NPDC1: variants seen among roughly 807,000 people sequenced by gnomAD.
NPDC1 encodes the protein neural proliferation, differentiation and control 1.
In NPDC1, 18 loss-of-function variants were observed where a neutral mutation model predicts 32.5. The ratio of observed to expected loss-of-function variants is 0.55; its 90% CI spans 0.38 to 0.82. NPDC1 has a LOEUF of 0.82. Ranked by LOEUF, NPDC1 falls within the 40% of genes least tolerant of loss-of-function variation. NPDC1 has a pLI of 0.00. For synonymous variants in NPDC1, 210 were observed against 184.7 expected, an observed-to-expected ratio of 1.14 and a Z score of -1.11; for missense variants, 468 against 406.6, an observed-to-expected ratio of 1.15 and a Z score of -1.30.
At chr9:137,042,775 C>T (rs566549551) in intron 2 of NPDC1, 152 bp downstream of exon 2, 5 of 901,928 alleles carry the variant, frequency 5.5e-6, no homozygotes, top group Non-Finnish European at 8.4e-6. Context: ...CCAGGCTGGT[C>T]TTGAACTCCT....
In NPDC1 at chr9:137,040,601, G is replaced by A. The variant is rs1373123912; in HGVS notation, c.624-3C>T. The A allele has an allele frequency of 6.4e-7, 1 of 1,567,238 alleles. No homozygotes were observed. On this transcript the variant is annotated splice_region_variant and splice_polypyrimidine_tract_variant and intron_variant, in intron 5 of 8. Transcript: ENST00000371601. Reference sequence around the variant, plus strand: ...TCAGGCGGATCTCACGCTGCAGCCTGTGGGGAGTGGGGCCTGAGACCTCTG... The same window carrying A: ...TCAGGCGGATCTCACGCTGCAGCCTATGGGGAGTGGGGCCTGAGACCTCTG...
chr9:137,046,138 A>G lies in NPDC1; in HGVS notation c.-149T>C. ...GCCAAGGAGGAGGAGGAGGAAGAGG[A>G]AAGGCACGGGCGGCGGCGCTGACGC... is the stretch of plus-strand genomic sequence containing the variant. On this transcript the variant is annotated 5_prime_UTR_variant, in exon 1 of 9. Coordinates refer to ENST00000371601, the MANE Select transcript of NPDC1 (RefSeq NM_015392.4). The G allele has an allele frequency of 1.8e-6, 2 of 1,095,696 alleles. No homozygotes were observed. The highest frequency in any genetic ancestry group is 2.2e-6 in the Non-Finnish European group (2 of 900,348). 67.9% of individuals were successfully genotyped at this position (1,095,696 alleles called of 1,614,324 possible). A position where few individuals can be genotyped will look rare whatever the true frequency, so the allele number is the denominator to read the frequency against.
Position 137,039,479 on chromosome 9 carries a change from G to A in NPDC1, c.*293C>T, listed in dbSNP as rs1044209395. ...AGGCAGAAGCCGCAGGTCTGAAATG[G>A]ACTTTAATTGGCTTTTGTCTCTAGA... On this transcript the variant is annotated 3_prime_UTR_variant, in exon 9 of 9. Transcript: ENST00000371601. The A allele has an allele frequency of 5.7e-6, 2 of 347,914 alleles. No individual in the cohort carries two copies. Among genetic ancestry groups the A allele is most frequent in the Non-Finnish European group, 1.0e-5 (2 of 191,450 alleles). The allele number at this position is 347,914 out of a possible 1,614,324, so 21.6% of individuals were successfully genotyped here.
chr9:137,041,065 G>T lies in NPDC1; in HGVS notation c.382C>A (p.Pro128Thr). 2.6e-6 allele frequency: 4 copies of T among 1,521,342 alleles called. No homozygotes were observed. The highest frequency in any genetic ancestry group is 3.5e-6 in the Non-Finnish European group (4 of 1,136,368). The allele number at this position is 1,521,342 out of a possible 1,614,324, so 94.2% of individuals were successfully genotyped here. A position where few individuals can be genotyped will look rare whatever the true frequency, so the allele number is the denominator to read the frequency against. The stretch of plus-strand genomic sequence containing the variant: ...GCAGGGGAAGCGGGGGTCTCACCAG[G>T]CTCCGGGAGCCGCTGTCGGTCCTTG... ...LPKDRQRLPE[P>T]ATLGFSARGQ... Residue 128 changes from proline (P) to threonine (T), a missense_variant, in exon 3 of 9, where the codon CCT becomes ACT. Pro to Thr is a conservative substitution (Grantham distance 38). Coordinates refer to ENST00000371601, the MANE Select transcript of NPDC1 (RefSeq NM_015392.4).
At chr9:137,045,657 G>A (rs961588766) in intron 1 of NPDC1, among the ~76,000 whole-genome samples, 1 of 152,212 alleles carries the variant, frequency 6.6e-6, no homozygotes, top group Non-Finnish European at 1.5e-5. Flanking sequence ...ACCGGCAGAA[G>A]CCCCATCCGG....
Position 137,043,054 on chromosome 9 carries a change from C to G in NPDC1, c.132G>C (p.Gly44=), listed in dbSNP as rs745556458. 1.2e-6 allele frequency: 2 copies of G among 1,612,772 alleles called. No individual in the cohort carries two copies. Among genetic ancestry groups the G allele is most frequent in the South Asian group, 2.2e-5 (2 of 91,088 alleles). ...AGHPDVAACP[G]SLDCALKRRA... ...GCCTCTTCAGGGCACAGTCCAGGCT[C>G]CCGGGACAGGCGGCTACATCTGGGA... The change falls in exon 2 of 9, where the codon GGG becomes GGC. Residue 44 remains glycine (G), a synonymous_variant. Coordinates refer to ENST00000371601, the MANE Select transcript of NPDC1 (RefSeq NM_015392.4).
At chr9:137,041,860 T>G (rs1267223961) in intron 2 of NPDC1, among the ~76,000 whole-genome samples, 1 of 152,206 alleles carries the variant, frequency 6.6e-6, no homozygotes, top group Non-Finnish European at 1.5e-5. Flanking sequence ...CAGATGCGGC[T>G]CAGGCTGGCG....
At chr9:137,040,464 T>C (rs750423070) in intron 6 of NPDC1, 28 bp from the exon 7 acceptor site, 93 of 1,565,952 alleles carry the variant, frequency 5.9e-5, no homozygotes, top group Middle Eastern at 3.5e-4. Flanking sequence ...CGAGGGTCAG[T>C]TGGCGGCCAG....
chr9:137,039,542 C>A lies in NPDC1; in HGVS notation c.*230G>T. 1.9e-6 allele frequency: 1 copy of A among 528,614 alleles called. No homozygotes were observed. Among genetic ancestry groups the A allele is most frequent in the Non-Finnish European group, 3.3e-6 (1 of 300,842 alleles). 32.7% of individuals were successfully genotyped at this position (528,614 alleles called of 1,614,324 possible). On this transcript the variant is annotated 3_prime_UTR_variant, in exon 9 of 9. Transcript: ENST00000371601. ...TTCCTGCGCTCTACGGTTCTCCATG[C>A]CCCCTCCAGTTTGGGGGTCTAAACC... is the stretch of plus-strand genomic sequence containing the variant.
Position 137,043,014 on chromosome 9 carries a change from G to A in NPDC1, c.172C>T (p.Pro58Ser), listed in dbSNP as rs758834051. Residue 58 changes from proline (P) to serine (S), a missense_variant, in exon 2 of 9, where the codon CCT becomes TCT. Coordinates refer to ENST00000371601, the MANE Select transcript of NPDC1 (RefSeq NM_015392.4). Reference sequence around the variant, plus strand: ...CAGGGCCCACAGGCATGTGCACCAGGAGGACACCTTGCCCGCCTCTTCAGG... The same window carrying A: ...CAGGGCCCACAGGCATGTGCACCAGAAGGACACCTTGCCCGCCTCTTCAGG... ...CALKRRARCPPGAHACGPCLQ... is the reference protein window; with the variant it reads ...CALKRRARCPSGAHACGPCLQ... 1.9e-6 allele frequency: 3 copies of A among 1,612,658 alleles called. No individual in the cohort carries two copies. Among genetic ancestry groups the A allele is most frequent in the Admixed American group, 1.7e-5 (1 of 59,978 alleles).
chr9:137,043,016 G>A lies in NPDC1; in HGVS notation c.170C>T (p.Pro57Leu). 6.2e-7 allele frequency: 1 copy of A among 1,612,766 alleles called. No homozygotes were observed. The highest frequency in any genetic ancestry group is 8.5e-7 in the Non-Finnish European group (1 of 1,179,910). Residue 57 changes from proline (P) to leucine (L), a missense_variant, in exon 2 of 9, where the codon CCT (proline) becomes CTT (leucine). Transcript: ENST00000371601. ...GGGCCCACAGGCATGTGCACCAGGA[G>A]GACACCTTGCCCGCCTCTTCAGGGC... ...DCALKRRARC[P>L]PGAHACGPCL...
chr9:137,045,007 TA>T (rs1832109705), intron 1 of NPDC1, among the ~76,000 whole-genome samples: 2 of 152,224 alleles, frequency 1.3e-5, no homozygotes, highest in South Asian at 4.1e-4. Flanking sequence ...TCCTTGCCTG[TA>T]AAACGGGCTC....
chr9:137,041,103 G>A lies in NPDC1; in HGVS notation c.344C>T (p.Thr115Ile), dbSNP rs1832044697. The A allele has an allele frequency of 3.9e-6, 6 of 1,532,636 alleles. No individual in the cohort carries two copies. The highest frequency in any genetic ancestry group is 5.3e-6 in the Non-Finnish European group (6 of 1,142,494). 94.9% of individuals were successfully genotyped at this position (1,532,636 alleles called of 1,614,324 possible). Residue 115 changes from threonine to isoleucine, a missense_variant, in exon 3 of 9, where the codon ACT (threonine) becomes ATT (isoleucine). Physicochemically the swap from Thr to Ile is moderately conservative, Grantham distance 89. Coordinates refer to ENST00000371601, the MANE Select transcript of NPDC1 (RefSeq NM_015392.4). ...CTGTCGGTCCTTGGGTAGGGGCGGA[G>A]TTGAGTGTCCAGACTCCTTCCGGGC... The part of the protein sequence containing the change: ...ELARKESGHS[T>I]PPLPKDRQRL...
At position 137,040,945 on chromosome 9, in the gene NPDC1, A is replaced by G. The variant is rs781037931; in HGVS notation, c.425T>C (p.Leu142Pro). Reference protein sequence around the residue: ...GFSARGQGLELGLPSTPGTPT... With the variant: ...GFSARGQGLEPGLPSTPGTPT... ...GGTTCCTGGAGTGGAGGGGAGGCCCAGCTCCAGCCCCTGCCCCCGTGCCGA... is the reference window on the plus strand; with the variant it reads ...GGTTCCTGGAGTGGAGGGGAGGCCCGGCTCCAGCCCCTGCCCCCGTGCCGA... The change falls in exon 4 of 9, where the codon CTG (leucine) becomes CCG (proline). Residue 142 changes from leucine (L) to proline (P), a missense_variant. Coordinates refer to ENST00000371601, the MANE Select transcript of NPDC1 (RefSeq NM_015392.4). 6.4e-7 allele frequency: 1 copy of G among 1,553,956 alleles called. No individual in the cohort carries two copies. Among genetic ancestry groups the G allele is most frequent in the Non-Finnish European group, 8.7e-7 (1 of 1,153,482 alleles).
Position 137,046,029 on chromosome 9 carries a change from C to G in NPDC1, c.-40G>C. 8.5e-7 allele frequency: 1 copy of G among 1,179,876 alleles called. No individual in the cohort carries two copies. Among genetic ancestry groups the G allele is most frequent in the Non-Finnish European group, 1.0e-6 (1 of 954,168 alleles). The allele number at this position is 1,179,876 out of a possible 1,614,324, so 73.1% of individuals were successfully genotyped here. On this transcript the variant is annotated 5_prime_UTR_variant, in exon 1 of 9. Transcript: ENST00000371601. ...GCCGGGGCAGCATGGCACCGCGAGG[C>G]CAGGGGCTCGGCGCGGGCTCCGGGC...
intron 7 of NPDC1, 51 bp downstream of exon 7, chr9:137,040,306 G>T: frequency 1.4e-6 from 2 of 1,480,694 alleles, no homozygotes; most frequent in Non-Finnish European, 1.8e-6. Flanking sequence ...AGGTGGAGGT[G>T]GGGATGGGGG....
Position 137,039,917 on chromosome 9 carries a change from T to C in NPDC1, c.886-53A>G. 3 of 778,762 alleles carry C rather than the reference T, an allele frequency of 3.9e-6. No homozygotes were observed. The South Asian group carries it at 4.0e-5, about 10-fold the overall frequency. The allele number at this position is 778,762 out of a possible 1,614,324, so 48.2% of individuals were successfully genotyped here. ...GTGGGTGGGCTGGGGGGATACTTGCTGGGAGGGAACCCCAGGAGATGGTTC... is the reference window on the plus strand; with the variant it reads ...GTGGGTGGGCTGGGGGGATACTTGCCGGGAGGGAACCCCAGGAGATGGTTC... On this transcript the variant is annotated intron_variant, in intron 8 of 8. Transcript: ENST00000371601.
intron 7 of NPDC1, 106 bp downstream of exon 7, chr9:137,040,251 G>T (rs1256486201): frequency 1.9e-6 from 2 of 1,076,410 alleles, no homozygotes. Flanking sequence ...TGCAGGTGAG[G>T]GTGGCAGGGC....
chr9:137,041,815 C>G (rs1471173826), intron 2 of NPDC1, among the ~76,000 whole-genome samples: 1 of 152,250 alleles, frequency 6.6e-6, no homozygotes, highest in African/African-American at 2.4e-5. Context: ...AAGCCCTCAC[C>G]ACACCTGAAG....
Sources: allele counts gnomAD v4.1 joint callset (sites outside exome capture counted in the v4.1 genomes callset), GRCh38; gene constraint gnomAD v4.1.1; transcripts MANE v1.5; gene names NCBI Gene and HGNC (gene_info 2026-07-23, HGNC 2026-07-21).